Variants in ADGB observed in about 807,000 individuals in gnomAD.
ADGB encodes androglobin, also known as calpain-7-like protein.
ADGB carries 172 observed loss-of-function variants against 210.5 expected under a neutral mutation model. The ratio of observed to expected loss-of-function variants is 0.82; its 90% CI spans 0.72 to 0.93. The LOEUF (loss-of-function observed/expected upper bound fraction) is 0.93. ADGB is among the 40% of genes least tolerant of loss of function. The pLI is 0.00. For synonymous variants in ADGB, 658 were observed against 662.7 expected (o/e 0.99, Z 0.11); for missense variants, 2,025 against 1,964.8 (o/e 1.03, Z -0.58).
chr6:146,770,530 T>C (rs759071990), intron 29 of ADGB: 2 of 465,052 alleles, frequency 4.3e-6, no homozygotes, highest in South Asian at 3.1e-5. Flanking sequence ...GGTCTCATCA[T>C]TGCATCTCTA....
intron 6 of ADGB, among the ~76,000 whole-genome samples, chr6:146,665,219 G>A (rs573692057): frequency 1.3e-5 from 2 of 152,086 alleles, no homozygotes; most frequent in East Asian, 3.9e-4. Context: ...ACATTGCAAT[G>A]TTAGTCAGAA....
At chr6:146,801,718 C>T (rs1417603736) in intron 34 of ADGB, 110 bp from the exon 35 acceptor site, 19 of 908,462 alleles carry the variant, frequency 2.1e-5, no homozygotes, top group Non-Finnish European at 3.0e-5. Context: ...TTTTATTTGA[C>T]TCAGACCACC....
At chr6:146,640,709 C>T (rs1388257338) in intron 2 of ADGB, among the ~76,000 whole-genome samples, 1 of 152,012 alleles carries the variant, frequency 6.6e-6, no homozygotes, top group Admixed American at 6.6e-5. Context: ...TAAAATTTGA[C>T]ACCCCTTCAT....
At chr6:146,714,315 GTTT>G (rs61107324) in intron 13 of ADGB, among the ~76,000 whole-genome samples, 2 of 146,178 alleles carry the variant, frequency 1.4e-5, no homozygotes, top group African/African-American at 2.5e-5. Flanking sequence ...TGTGCATCTT[GTTT>G]TTTTTTTTTT....
chr6:146,648,388 T>A lies in ADGB; in HGVS notation c.330+3523T>A, dbSNP rs1043067456. On this transcript the variant is annotated intron_variant, in intron 3 of 35. Transcript: ENST00000397944. ...CCATTCTCACACTACTATAAAGACA[T>A]ACCTGAGACTGGGTAATTTATGGAG... Among the ~76,000 whole-genome samples the A allele has an allele frequency of 7.4e-4, 112 of 152,160 alleles. 1 individual carries two copies. Among genetic ancestry groups the A allele is most frequent in the Non-Finnish European group, 2.2e-4 (15 of 68,002 alleles).
At chr6:146,781,171 CA>C (rs71031009) in intron 29 of ADGB, among the ~76,000 whole-genome samples, 2,288 of 90,930 alleles carry the variant, frequency 0.025, 29 homozygotes, top group African/African-American at 0.055. Flanking sequence ...ACTAAAAATA[CA>C]AAAAAAAAAA....
At chr6:146,754,828 G>T (rs779830984) in intron 27 of ADGB, among the ~76,000 whole-genome samples, 15 of 151,920 alleles carry the variant, frequency 9.9e-5, no homozygotes, top group Non-Finnish European at 2.2e-4. Context: ...GGTTTAAAAA[G>T]AATTCTATTT....
intron 1 of ADGB, among the ~76,000 whole-genome samples, chr6:146,631,634 A>AG (rs1781067512): frequency 6.6e-6 from 1 of 152,152 alleles, no homozygotes; most frequent in African/African-American, 2.4e-5. Flanking sequence ...TCCAGGTACC[A>AG]TCCCAGTTAC....
At chr6:146,697,815 A>G (rs1002640507) in intron 12 of ADGB, among the ~76,000 whole-genome samples, 2 of 152,208 alleles carry the variant, frequency 1.3e-5, no homozygotes, top group African/African-American at 2.4e-5. Flanking sequence ...ACTAAGTAAT[A>G]TAAATACAAA....
chr6:146,689,102 T>C (rs1457823105), intron 10 of ADGB, among the ~76,000 whole-genome samples: 1 of 152,136 alleles, frequency 6.6e-6, no homozygotes, highest in Admixed American at 6.6e-5. Flanking sequence ...AACTCTTGCA[T>C]CTGTTAGAAT....
intron 29 of ADGB, among the ~76,000 whole-genome samples, 153 bp from the exon 30 acceptor site, chr6:146,781,867 G>A (rs1211177887): frequency 3.9e-5 from 6 of 152,280 alleles, no homozygotes; most frequent in African/African-American, 1.2e-4. Flanking sequence ...TTATGAAAAC[G>A]AGTCCAACAG....
At chr6:146,685,092 T>C (rs1172319149) in intron 9 of ADGB, among the ~76,000 whole-genome samples, 2 of 152,044 alleles carry the variant, frequency 1.3e-5, no homozygotes, top group Non-Finnish European at 2.9e-5. Context: ...CTAAAATAAA[T>C]TGACTTCTAT....
chr6:146,652,307 T>C (rs904986309), intron 3 of ADGB, among the ~76,000 whole-genome samples: 1 of 152,172 alleles, frequency 6.6e-6, no homozygotes, highest in African/African-American at 2.4e-5. Context: ...TATAGGGGCA[T>C]TTGAGAAGCG....
rs73571870 is a variant in ADGB, at chr6:146,672,437, G to A, written c.1057G>A (p.Ala353Thr). Reference protein sequence around the residue: ...KPESSLTTLKAPEKSDKVPKE... With the variant: ...KPESSLTTLKTPEKSDKVPKE... ...TGAAAGTTCTTTGACAACACTAAAG[G>A]CTCCTGAGAAAAGCGACAAAGTTCC... Residue 353 changes from alanine (A) to threonine (T), a missense_variant, in exon 8 of 36, where the codon GCT becomes ACT. Ala to Thr is a moderately conservative substitution (Grantham distance 58, BLOSUM62 0). Transcript: ENST00000397944. The A allele has an allele frequency of 1.4e-5, 22 of 1,546,170 alleles. No homozygotes were observed. The East Asian group carries it at 3.9e-4, about 28-fold the overall frequency.
At chr6:146,662,227 C>T (rs1397957361) in intron 5 of ADGB, among the ~76,000 whole-genome samples, 1 of 151,978 alleles carries the variant, frequency 6.6e-6, no homozygotes, top group Non-Finnish European at 1.5e-5. Flanking sequence ...TTTTTTGCCC[C>T]ACTCTCTCTT....
intron 11 of ADGB, among the ~76,000 whole-genome samples, chr6:146,691,495 TATATA>T (rs1226086807): frequency 1.7e-4 from 4 of 22,880 alleles, no homozygotes; most frequent in Non-Finnish European, 2.1e-4. Flanking sequence ...TATATATATA[TATATA>T]TTTTTTTTTT....
At chr6:146,617,242 A>G (rs1325004585) in intron 1 of ADGB, among the ~76,000 whole-genome samples, 2 of 151,900 alleles carry the variant, frequency 1.3e-5, no homozygotes, top group South Asian at 2.1e-4. Context: ...TTCTTTTTCA[A>G]TTGTTCACAG....
At chr6:146,700,179 T>C (rs1022126712) in intron 12 of ADGB, among the ~76,000 whole-genome samples, 2 of 152,192 alleles carry the variant, frequency 1.3e-5, no homozygotes, top group Non-Finnish European at 2.9e-5. Flanking sequence ...CTATCACAAC[T>C]TTCTGTCTTA....
At chr6:146,638,684 A>G (rs1223635468) in intron 2 of ADGB, among the ~76,000 whole-genome samples, 2 of 151,590 alleles carry the variant, frequency 1.3e-5, no homozygotes, top group Non-Finnish European at 2.9e-5. Flanking sequence ...CAGCACACCA[A>G]CAAGGCACAT....
Sources: allele counts gnomAD v4.1 joint callset (sites outside exome capture counted in the v4.1 genomes callset), GRCh38; gene constraint gnomAD v4.1.1; transcripts MANE v1.5; gene names NCBI Gene and HGNC (gene_info 2026-07-23, HGNC 2026-07-21).